The following SLC24A2 variants were observed in gnomAD, a reference collection of about 807,000 sequenced individuals.
SLC24A2 encodes the protein solute carrier family 24 member 2.
Under a neutral mutation model 62.0 loss-of-function variants are expected in SLC24A2, and 36 were observed. That is an observed-to-expected ratio of 0.58 (90% CI 0.44 to 0.77). The LOEUF is 0.77. SLC24A2 is among the 30% of genes least tolerant of loss of function. SLC24A2 has a pLI of 0.00. For missense variants in SLC24A2, 846 were observed against 817.9 expected, an observed-to-expected ratio of 1.03 and a Z score of -0.42; for synonymous variants, 358 against 294.0, an observed-to-expected ratio of 1.22 and a Z score of -2.23.
chr9:20,208,862 T>C, the SLC24A2 span, among the ~76,000 whole-genome samples: 7 of 152,198 alleles, frequency 4.6e-5, no homozygotes, highest in Non-Finnish European at 7.3e-5. Context: ...CAAAGCTCTG[T>C]AGATTTCTTC....
chr9:19,955,138 G>A, the SLC24A2 span, among the ~76,000 whole-genome samples: 3 of 152,028 alleles, frequency 2.0e-5, no homozygotes, highest in African/African-American at 7.2e-5. Context: ...CACAATTAAT[G>A]ATATATCATA....
chr9:19,628,394 A>G (rs1367822083), intron 2 of SLC24A2, among the ~76,000 whole-genome samples: 2 of 152,214 alleles, frequency 1.3e-5, no homozygotes, highest in Non-Finnish European at 2.9e-5. Context: ...AAATGGAGAA[A>G]GAGAGGCAAG....
the SLC24A2 span, among the ~76,000 whole-genome samples, chr9:19,978,939 A>G: frequency 6.6e-6 from 1 of 152,194 alleles, no homozygotes; most frequent in Non-Finnish European, 1.5e-5. Context: ...GAAGACTTAA[A>G]GAAAAATCTG....
rs1564100511 is a variant in SLC24A2, at chr9:19,786,113, G to A, written c.754C>T (p.Leu252=). 1 of 1,614,028 alleles carries A rather than the reference G, an allele frequency of 6.2e-7. No homozygotes were observed. Among genetic ancestry groups the A allele is most frequent in the Non-Finnish European group, 8.5e-7 (1 of 1,179,882 alleles). ...VSFYIVDLIM[L]IIFFLDNVIM... ...ACATTATCCAGGAAAAATATGATCAGCATGATCAAGTCAACAATGTAGAAA... is the reference window on the plus strand; with the variant it reads ...ACATTATCCAGGAAAAATATGATCAACATGATCAAGTCAACAATGTAGAAA... Residue 252 remains leucine, a synonymous_variant, in exon 2 of 11, where the codon CTG becomes TTG. Coordinates refer to ENST00000341998, the MANE Select transcript of SLC24A2 (RefSeq NM_020344.4). The surrounding 1 kb of genome is among the most constrained non-coding windows in gnomAD (Gnocchi z 5.0).
chr9:19,829,255 G>A, the SLC24A2 span, among the ~76,000 whole-genome samples: 10 of 152,136 alleles, frequency 6.6e-5, no homozygotes, highest in African/African-American at 2.4e-4. Flanking sequence ...TCCATAGGGT[G>A]CACTTGCAAT....
At chr9:20,305,528 G>A in the SLC24A2 span, among the ~76,000 whole-genome samples, 5 of 152,050 alleles carry the variant, frequency 3.3e-5, no homozygotes, top group South Asian at 2.1e-4. Flanking sequence ...AACAGCTGTC[G>A]TTTTTGTCTT....
chr9:20,097,507 T>G, the SLC24A2 span, among the ~76,000 whole-genome samples: 1 of 152,068 alleles, frequency 6.6e-6, no homozygotes, highest in African/African-American at 2.4e-5. Flanking sequence ...AATAGTCACT[T>G]TGAGATCTCT....
At chr9:19,719,583 T>C (rs1202879995) in intron 2 of SLC24A2, among the ~76,000 whole-genome samples, 1 of 152,086 alleles carries the variant, frequency 6.6e-6, no homozygotes, top group Non-Finnish European at 1.5e-5. Flanking sequence ...GCCCAGAAAG[T>C]TGAGATGCAG....
chr9:20,111,809 T>A, the SLC24A2 span, among the ~76,000 whole-genome samples: 1 of 152,160 alleles, frequency 6.6e-6, no homozygotes, highest in African/African-American at 2.4e-5. Context: ...CACTGGGGGA[T>A]GCTTCTCCAG....
chr9:19,704,274 G>C (rs1418359138), intron 2 of SLC24A2, among the ~76,000 whole-genome samples: 2 of 152,182 alleles, frequency 1.3e-5, no homozygotes, highest in East Asian at 1.9e-4. Context: ...TAATGACATG[G>C]AAAGATATTT....
At chr9:20,121,076 C>T in the SLC24A2 span, among the ~76,000 whole-genome samples, 1 of 146,730 alleles carries the variant, frequency 6.8e-6, no homozygotes, top group African/African-American at 2.5e-5. Flanking sequence ...CTTTGTTGTT[C>T]TTTCTCAGTC....
chr9:19,914,200 C>A, the SLC24A2 span, among the ~76,000 whole-genome samples: 1 of 151,994 alleles, frequency 6.6e-6, no homozygotes, highest in Non-Finnish European at 1.5e-5. Flanking sequence ...TTCTTGACAC[C>A]TGCCACTTGA....
At chr9:19,556,226 A>C (rs1221805809) in intron 7 of SLC24A2, among the ~76,000 whole-genome samples, 1 of 152,216 alleles carries the variant, frequency 6.6e-6, no homozygotes, top group South Asian at 2.1e-4. Context: ...GCTTCTTTGC[A>C]TGTACATCTT....
the SLC24A2 span, among the ~76,000 whole-genome samples, chr9:20,239,089 G>T: frequency 6.6e-6 from 1 of 152,318 alleles, no homozygotes; most frequent in African/African-American, 2.4e-5. Flanking sequence ...AAGCCACTCA[G>T]TCTGTGGCAT....
At chr9:19,640,682 G>T (rs1472581720) in intron 2 of SLC24A2, among the ~76,000 whole-genome samples, 1 of 152,204 alleles carries the variant, frequency 6.6e-6, no homozygotes, top group Admixed American at 6.5e-5. Flanking sequence ...AGTAAAGACA[G>T]CTCTTACCTT....
the SLC24A2 span, among the ~76,000 whole-genome samples, chr9:20,277,835 C>A: frequency 6.6e-6 from 1 of 152,142 alleles, no homozygotes; most frequent in South Asian, 2.1e-4. Flanking sequence ...TGGAACCAAC[C>A]CGAATGTCCA....
the SLC24A2 span, among the ~76,000 whole-genome samples, chr9:19,996,745 C>CAAAAA: frequency 1.5e-5 from 1 of 66,676 alleles, no homozygotes; most frequent in Non-Finnish European, 3.0e-5. Context: ...GACTCCGTCT[C>CAAAAA]AAAAAAAAAA....
At chr9:20,134,554 T>G in the SLC24A2 span, among the ~76,000 whole-genome samples, 1 of 152,070 alleles carries the variant, frequency 6.6e-6, no homozygotes, top group Non-Finnish European at 1.5e-5. Flanking sequence ...TTTGCATAGT[T>G]TTAGAATAGG....
At chr9:20,071,097 T>A in the SLC24A2 span, among the ~76,000 whole-genome samples, 3 of 152,222 alleles carry the variant, frequency 2.0e-5, no homozygotes, top group Non-Finnish European at 4.4e-5. Flanking sequence ...TCTCACTCCC[T>A]CCTTGCCTTC....
Sources: gnomAD v4.1 joint callset for allele counts (sites outside exome capture counted in the v4.1 genomes callset) on GRCh38, gnomAD v4.1.1 for gene constraint, Gnocchi (gnomAD v3.1) non-coding constraint, MANE v1.5 for transcripts, NCBI Gene and HGNC (gene_info 2026-07-23, HGNC 2026-07-21) for gene names.